The following COL14A1 variants were observed in gnomAD, a reference collection of about 807,000 sequenced individuals.
The protein encoded by COL14A1 is collagen type XIV alpha 1 chain.
A neutral mutation model predicts 230.3 loss-of-function variants in COL14A1; 136 were observed. The observed-to-expected ratio is 0.59, with a 90% confidence interval of 0.51 to 0.68. The LOEUF (loss-of-function observed/expected upper bound fraction) is 0.68. COL14A1 is among the 30% of genes least tolerant of loss of function. The pLI, the probability that COL14A1 is intolerant of heterozygous loss-of-function variation, is 0.00. For missense variants in COL14A1, 1,976 were observed against 2,215.8 expected (o/e 0.89, Z 2.17); for synonymous variants, 792 against 784.1 (o/e 1.01, Z -0.17).
chr8:120,316,078 G>A, intron 40 of COL14A1, 81 bp downstream of exon 40: 1 of 1,429,764 alleles, frequency 7.0e-7, no homozygotes, highest in Non-Finnish European at 9.8e-7. Flanking sequence ...AGGCTTCTAT[G>A]TAAGGGAGTC....
intron 12 of COL14A1, among the ~76,000 whole-genome samples, chr8:120,210,403 A>G (rs1817584458): frequency 6.6e-6 from 1 of 152,180 alleles, no homozygotes; most frequent in South Asian, 2.1e-4. Flanking sequence ...TAAGGTTTAT[A>G]CTCAGTATTG....
chr8:120,317,180 G>T (rs1316778159), intron 40 of COL14A1, among the ~76,000 whole-genome samples: 2 of 152,126 alleles, frequency 1.3e-5, no homozygotes, highest in African/African-American at 4.8e-5. Context: ...GTGTTCACTG[G>T]TGTTTTGGGT....
intron 5 of COL14A1, among the ~76,000 whole-genome samples, chr8:120,184,415 T>A (rs1816581089): frequency 6.6e-6 from 1 of 151,840 alleles, no homozygotes; most frequent in South Asian, 2.1e-4. Flanking sequence ...TCACTACACC[T>A]GGCTAATTTT....
chr8:120,124,520 C>G (rs1814252440), upstream of COL14A1, among the ~76,000 whole-genome samples: 1 of 152,208 alleles, frequency 6.6e-6, no homozygotes, highest in African/African-American at 2.4e-5. Flanking sequence ...CTACATTCGT[C>G]TTTTTGTAAC....
intron 19 of COL14A1, among the ~76,000 whole-genome samples, chr8:120,234,353 A>G (rs1399970240): frequency 6.6e-6 from 1 of 152,122 alleles, no homozygotes; most frequent in African/African-American, 2.4e-5. Context: ...TACTATGTTG[A>G]ATAGGAGTGG....
chr8:120,231,934 T>C (rs904656439), intron 19 of COL14A1: 11 of 236,718 alleles, frequency 4.6e-5, no homozygotes, highest in African/African-American at 2.5e-4. Context: ...CACTTGTGTC[T>C]GTATATATGT....
Position 120,270,108 on chromosome 8 carries a change from T to C in COL14A1, c.3147T>C (p.Asn1049=), listed in dbSNP as rs116377784. 1.3e-5 allele frequency: 21 copies of C among 1,611,652 alleles called. No individual in the cohort carries two copies. In the East Asian group the frequency reaches 4.2e-4, roughly 33 times the overall value. Residue 1049 remains asparagine, a synonymous_variant, in exon 26 of 48, where the codon AAT becomes AAC. Transcript: ENST00000297848. ...GSWSIGDENF[N]KIISFLYSTV... ...GGAGCATTGGAGATGAAAATTTCAA[T>C]AAGATCATCAGCTTTCTATACAGCA...
At chr8:120,281,101 T>C (rs770012138) in intron 31 of COL14A1, 42 bp downstream of exon 31, 2 of 1,557,194 alleles carry the variant, frequency 1.3e-6, no homozygotes, top group South Asian at 2.4e-5. Flanking sequence ...CGTATGTTTA[T>C]TATATCTCAC....
intron 40 of COL14A1, among the ~76,000 whole-genome samples, chr8:120,327,697 G>A (rs890931245): frequency 1.3e-5 from 2 of 151,772 alleles, no homozygotes; most frequent in Non-Finnish European, 2.9e-5. Flanking sequence ...TGTGATTCAC[G>A]CTTATTTCTT....
In COL14A1 at chr8:120,301,304, G is replaced by C. The variant is rs141870839; in HGVS notation, c.4401+486G>C. Among the ~76,000 whole-genome samples the C allele has an allele frequency of 1.7e-3, 260 of 152,142 alleles. 2 individuals carry two copies. The highest frequency in any genetic ancestry group is 6.1e-3 in the African/African-American group (252 of 41,530). ...TTGTACAGATTATTTCATCACCCAA[G>C]TACCAAGTCTAGTACTCAATAGCTA... is the stretch of plus-strand genomic sequence containing the variant. On this transcript the variant is annotated intron_variant, in intron 36 of 47. Coordinates refer to ENST00000297848, the MANE Select transcript of COL14A1 (RefSeq NM_021110.4).
chr8:120,150,944 A>G (rs1371386560), intron 2 of COL14A1, among the ~76,000 whole-genome samples: 5 of 152,266 alleles, frequency 3.3e-5, no homozygotes, highest in African/African-American at 4.8e-5. Flanking sequence ...CCAAACATCA[A>G]TAGAGTTCAA....
intron 25 of COL14A1, 44 bp from the exon 26 acceptor site, chr8:120,269,991 C>A (rs373710146): frequency 2.2e-5 from 36 of 1,605,894 alleles, no homozygotes; most frequent in Middle Eastern, 1.7e-4. Context: ...TAACTACTAA[C>A]TTTTCCCCTT....
At chr8:120,274,007 A>C (rs1819760680) in intron 26 of COL14A1, among the ~76,000 whole-genome samples, 1 of 151,800 alleles carries the variant, frequency 6.6e-6, no homozygotes, top group Non-Finnish European at 1.5e-5. Flanking sequence ...TGATACAAAA[A>C]CCAGTAGAGG....
chr8:120,126,677 G>A (rs1225086334), intron 1 of COL14A1, among the ~76,000 whole-genome samples: 1 of 152,136 alleles, frequency 6.6e-6, no homozygotes, highest in Non-Finnish European at 1.5e-5. Context: ...TGATAGAGAG[G>A]CTCTCTTGAA....
chr8:120,313,098 G>A (rs759075498), intron 37 of COL14A1, among the ~76,000 whole-genome samples: 3 of 152,182 alleles, frequency 2.0e-5, no homozygotes, highest in Admixed American at 1.3e-4. Context: ...GGTGGCTCAC[G>A]CCTGTAGTTC....
At chr8:120,144,362 A>G (rs1360980133) in intron 1 of COL14A1, among the ~76,000 whole-genome samples, 3 of 152,212 alleles carry the variant, frequency 2.0e-5, no homozygotes, top group Non-Finnish European at 4.4e-5. Context: ...TTGCCATAAT[A>G]GGTATGAATT....
intron 5 of COL14A1, among the ~76,000 whole-genome samples, chr8:120,180,468 G>GT (rs1816425097): frequency 6.6e-6 from 1 of 152,130 alleles, no homozygotes; most frequent in Non-Finnish European, 1.5e-5. Flanking sequence ...ACTCTAACTA[G>GT]TTTAAGGACA....
At chr8:120,301,119 C>G (rs775931587) in intron 36 of COL14A1, among the ~76,000 whole-genome samples, 1 of 152,100 alleles carries the variant, frequency 6.6e-6, no homozygotes, top group Non-Finnish European at 1.5e-5. Flanking sequence ...GGTTAATTTT[C>G]GGTGTGAATA....
intron 5 of COL14A1, among the ~76,000 whole-genome samples, chr8:120,188,266 G>T (rs1316759397): frequency 6.6e-6 from 1 of 151,970 alleles, no homozygotes; most frequent in Admixed American, 6.6e-5. Flanking sequence ...TATTTTTGTA[G>T]AGACGGGGTT....
Sources: gnomAD v4.1 joint callset for allele counts (sites outside exome capture counted in the v4.1 genomes callset) on GRCh38, gnomAD v4.1.1 for gene constraint, MANE v1.5 for transcripts, NCBI Gene and HGNC (gene_info 2026-07-23, HGNC 2026-07-21) for gene names.